KIF21A: variants seen among roughly 807,000 people sequenced by gnomAD.
The protein encoded by KIF21A is kinesin-like protein KIF21A.
KIF21A carries 114 observed loss-of-function variants against 202.9 expected under a neutral mutation model. That is an observed-to-expected ratio of 0.56 (90% confidence interval 0.48 to 0.66). KIF21A has a LOEUF of 0.66. Among genes scored for constraint, KIF21A ranks in the 30% least tolerant of loss-of-function variants. The pLI, the probability that KIF21A is intolerant of heterozygous loss-of-function variation, is 0.00. For synonymous variants in KIF21A, 667 were observed against 670.8 expected (o/e 0.99, Z 0.09); for missense variants, 1,677 against 1,994.9 (o/e 0.84, Z 3.04).
chr12:39,359,174 C>A (rs1949016325), intron 7 of KIF21A, among the ~76,000 whole-genome samples: 1 of 152,122 alleles, frequency 6.6e-6, no homozygotes, highest in African/African-American at 2.4e-5. Context: ...CCAATCTTTT[C>A]TTTCGACAAT....
intron 12 of KIF21A, among the ~76,000 whole-genome samples, chr12:39,344,622 C>T (rs1656053167): frequency 6.6e-6 from 1 of 152,178 alleles, no homozygotes; most frequent in Admixed American, 6.6e-5. Flanking sequence ...TTCACTTCTA[C>T]ATTAACTCAT....
chr12:39,416,767 A>ATATATATGTACATATATATGTG (rs1953745987), intron 1 of KIF21A, among the ~76,000 whole-genome samples: 1 of 136,422 alleles, frequency 7.3e-6, no homozygotes, highest in South Asian at 2.3e-4. Flanking sequence ...ATATGTGTAT[A>ATATATATGTACATATATATGTG]TATATATGTA....
intron 1 of KIF21A, among the ~76,000 whole-genome samples, chr12:39,398,173 T>C (rs1490083330): frequency 6.6e-6 from 1 of 152,206 alleles, no homozygotes; most frequent in African/African-American, 2.4e-5. Context: ...TCTAGGAAAT[T>C]TACACTCTAC....
At chr12:39,316,366 CTT>C (rs2137529276) in intron 29 of KIF21A, among the ~76,000 whole-genome samples, 2 of 152,164 alleles carry the variant, frequency 1.3e-5, no homozygotes, top group African/African-American at 4.8e-5. Flanking sequence ...TTTTATTCAC[CTT>C]GATAATTATC....
chr12:39,326,207 G>A, intron 25 of KIF21A, 57 bp downstream of exon 25: 1 of 1,235,716 alleles, frequency 8.1e-7, no homozygotes, highest in East Asian at 2.3e-5. Context: ...GATACAAGAT[G>A]AAAGTATTTA....
chr12:39,311,122 T>C (rs1943987606), intron 32 of KIF21A, among the ~76,000 whole-genome samples: 1 of 151,976 alleles, frequency 6.6e-6, no homozygotes, highest in Non-Finnish European at 1.5e-5. Flanking sequence ...TTAAATAGCC[T>C]TTTATAGATT....
chr12:39,398,188 TAA>T (rs918550772), intron 1 of KIF21A, among the ~76,000 whole-genome samples: 35 of 152,266 alleles, frequency 2.3e-4, no homozygotes, highest in African/African-American at 8.2e-4. Flanking sequence ...CTCTACATTT[TAA>T]AAACCATCAT....
At position 39,432,675 on chromosome 12, in the gene KIF21A, A is replaced by G. The variant is rs190818855; in HGVS notation, c.44+10252T>C. On this transcript the variant is annotated intron_variant, in intron 1 of 37. Transcript: ENST00000361418. ...ACGCAGGCTGGAGTGCAGTGGTATG[A>G]TCTCAGCTCACTGCAACCTCGGCCT... Among the ~76,000 whole-genome samples, 43 of 151,562 alleles carry G rather than the reference A, an allele frequency of 2.8e-4. No individual in the cohort carries two copies. The East Asian group carries it at 7.8e-3, about 27-fold the overall frequency.
intron 1 of KIF21A, among the ~76,000 whole-genome samples, chr12:39,402,498 G>T (rs1284526178): frequency 6.6e-6 from 1 of 152,094 alleles, no homozygotes; most frequent in Non-Finnish European, 1.5e-5. Context: ...AGGAGTATGA[G>T]ACCAGCCTAG....
rs140757795 is a variant in KIF21A, at chr12:39,333,027, A to G, written c.2568T>C (p.Asp856=). 1.1e-4 allele frequency: 178 copies of G among 1,614,122 alleles called. No individual in the cohort carries two copies. The African/African-American group carries it at 2.1e-3, about 19-fold the overall frequency. The change falls in exon 19 of 38, where the codon GAT becomes GAC. Residue 856 remains aspartate (D), a synonymous_variant. Coordinates refer to ENST00000361418, the MANE Select transcript of KIF21A (RefSeq NM_001173464.2). ...TGGAACCTGTGTCCTGAGCAGGTGCATCAGATGAACTCAGCTTCCGAGTAA... is the reference window on the plus strand; with the variant it reads ...TGGAACCTGTGTCCTGAGCAGGTGCGTCAGATGAACTCAGCTTCCGAGTAA... ...GKVTRKLSSS[D]APAQDTGSSA... is the part of the protein sequence containing the mutation.
chr12:39,427,267 C>A (rs374907540), intron 1 of KIF21A, among the ~76,000 whole-genome samples: 15 of 152,188 alleles, frequency 9.9e-5, no homozygotes, highest in African/African-American at 3.6e-4. Context: ...AATTTTGTTT[C>A]TTTAGATATC....
chr12:39,330,066 A>G, intron 24 of KIF21A, 176 bp downstream of exon 24: 1 of 563,902 alleles, frequency 1.8e-6, no homozygotes, highest in South Asian at 2.6e-5. Context: ...AAAATCAGGA[A>G]TGTTTAATAA....
At chr12:39,357,502 G>T in intron 8 of KIF21A, 65 bp from the exon 9 acceptor site, 2 of 1,323,762 alleles carry the variant, frequency 1.5e-6, no homozygotes, top group Admixed American at 1.7e-5. Flanking sequence ...TTTTGCTTAA[G>T]AATACTCTAT....
Position 39,318,139 on chromosome 12 carries a change from C to A in KIF21A, c.3842G>T (p.Arg1281Leu). The A allele has an allele frequency of 6.2e-7, 1 of 1,613,440 alleles. No homozygotes were observed. The highest frequency in any genetic ancestry group is 2.2e-5 in the East Asian group (1 of 44,848). The change falls in exon 29 of 38, where the codon CGT (arginine) becomes CTT (leucine). Residue 1281 changes from arginine to leucine, a missense_variant. This residue lies in a region of KIF21A where 705 missense variants were observed against 791.9 expected (regional missense o/e 0.89). Transcript: ENST00000361418. ...ACGATTAAAAACATTCAGTTCATTACGGGGCCGGCTTGGTGGGGAAGAAGG... is the reference window on the plus strand; with the variant it reads ...ACGATTAAAAACATTCAGTTCATTAAGGGGCCGGCTTGGTGGGGAAGAAGG... Reference protein sequence around the residue: ...SPPSSPPSRPRNELNVFNRLT... With the variant: ...SPPSSPPSRPLNELNVFNRLT...
rs1009310667 is a variant in KIF21A, at chr12:39,294,053, A to C, written c.*371T>G. 2.9e-5 allele frequency: 6 copies of C among 206,448 alleles called. No homozygotes were observed. Among genetic ancestry groups the C allele is most frequent in the Admixed American group, 2.2e-4 (4 of 18,474 alleles). 12.8% of individuals were successfully genotyped at this position (206,448 alleles called of 1,614,324 possible). On this transcript the variant is annotated 3_prime_UTR_variant, in exon 38 of 38. Coordinates refer to ENST00000361418, the MANE Select transcript of KIF21A (RefSeq NM_001173464.2). ...ATAAATCACTTGAATAAACTACATG[A>C]ATGAGTTAATGGTGGGCTGCATCGT...
At chr12:39,373,001 C>T (rs745376606) in intron 1 of KIF21A, among the ~76,000 whole-genome samples, 4 of 152,146 alleles carry the variant, frequency 2.6e-5, no homozygotes, top group Non-Finnish European at 5.9e-5. Context: ...CAACACCACC[C>T]TAATGAAGGC....
chr12:39,343,445 T>C (rs981478684), intron 12 of KIF21A, among the ~76,000 whole-genome samples: 3 of 151,858 alleles, frequency 2.0e-5, no homozygotes, highest in African/African-American at 4.8e-5. Context: ...AAAAGTAAAA[T>C]TCCTCTACAA....
chr12:39,394,546 T>G (rs1951594084), intron 1 of KIF21A, among the ~76,000 whole-genome samples: 1 of 152,214 alleles, frequency 6.6e-6, no homozygotes, highest in African/African-American at 2.4e-5. Context: ...AACTAATTAG[T>G]TACAATCTCA....
intron 26 of KIF21A, among the ~76,000 whole-genome samples, chr12:39,325,322 C>T (rs191346559): frequency 1.4e-5 from 2 of 146,244 alleles, no homozygotes; most frequent in Admixed American, 6.9e-5. Flanking sequence ...GCCCAATTTC[C>T]ACCAAGGAGA....
Sources: gnomAD v4.1 joint callset for allele counts (sites outside exome capture counted in the v4.1 genomes callset) on GRCh38, gnomAD v4.1.1 for gene constraint, gnomAD v4.1.1 regional missense constraint, MANE v1.5 for transcripts, NCBI Gene and HGNC (gene_info 2026-07-23, HGNC 2026-07-21) for gene names.